The following ABTB3 variants were observed in gnomAD, a reference collection of about 807,000 sequenced individuals.
ABTB3 encodes the protein ankyrin repeat and BTB domain containing 3, also known as ankyrin repeat- and BTB/POZ domain-containing protein 3.
At chr12:107,482,972 CT>C in the ABTB3 span, among the ~76,000 whole-genome samples, 15 of 59,158 alleles carry the variant, frequency 2.5e-4, 1 homozygote, top group African/African-American at 1.0e-3. Flanking sequence ...TTCTTTCTTT[CT>C]TTCTTTCTTT....
At chr12:107,630,334 A>G in the ABTB3 span, among the ~76,000 whole-genome samples, 84 of 152,342 alleles carry the variant, frequency 5.5e-4, 1 homozygote, top group Admixed American at 2.9e-3. Context: ...GTGAGTGGGG[A>G]AACATTCCCT....
the ABTB3 span, among the ~76,000 whole-genome samples, chr12:107,489,028 G>T: frequency 1.3e-5 from 2 of 152,130 alleles, no homozygotes; most frequent in African/African-American, 4.8e-5. Flanking sequence ...GAGTACAAAG[G>T]CATCTCAAGC....
At chr12:107,376,525 AAGC>A in the ABTB3 span, among the ~76,000 whole-genome samples, 6 of 152,300 alleles carry the variant, frequency 3.9e-5, no homozygotes, top group Non-Finnish European at 8.8e-5. Flanking sequence ...TTCAGAAGGA[AAGC>A]AGACCTGCAG....
chr12:107,617,712 C>G, the ABTB3 span: 1 of 449,502 alleles, frequency 2.2e-6, no homozygotes, highest in Non-Finnish European at 3.9e-6. Context: ...GCTCAGGGCA[C>G]GTCATGTCAG....
chr12:107,646,507 A>G, the ABTB3 span, among the ~76,000 whole-genome samples: 1 of 152,148 alleles, frequency 6.6e-6, no homozygotes. Flanking sequence ...CAATCCCAAC[A>G]TTTGCTGACT....
the ABTB3 span, among the ~76,000 whole-genome samples, chr12:107,496,576 G>C: frequency 6.6e-6 from 1 of 152,196 alleles, no homozygotes; most frequent in Non-Finnish European, 1.5e-5. Flanking sequence ...CCAGGAGCCT[G>C]AAGTGACCAA....
At chr12:107,419,528 G>A in the ABTB3 span, among the ~76,000 whole-genome samples, 1 of 152,012 alleles carries the variant, frequency 6.6e-6, no homozygotes, top group African/African-American at 2.4e-5. Flanking sequence ...CCTCATTCAG[G>A]TCTTCAGGGT....
At chr12:107,415,512 T>C in the ABTB3 span, among the ~76,000 whole-genome samples, 1 of 151,832 alleles carries the variant, frequency 6.6e-6, no homozygotes, top group Middle Eastern at 3.4e-3. Flanking sequence ...ATCGAGACCA[T>C]CCTGGCTAAC....
chr12:107,556,748 C>T, the ABTB3 span, among the ~76,000 whole-genome samples: 2 of 152,056 alleles, frequency 1.3e-5, no homozygotes, highest in Non-Finnish European at 1.5e-5. Context: ...TGGTGGTTCA[C>T]GCCTGTAATC....
the ABTB3 span, among the ~76,000 whole-genome samples, chr12:107,389,064 C>T: frequency 3.3e-5 from 5 of 151,978 alleles, no homozygotes; most frequent in South Asian, 1.0e-3. Flanking sequence ...TAGATATGAG[C>T]TGCAGGTGAG....
At chr12:107,450,196 T>A in the ABTB3 span, among the ~76,000 whole-genome samples, 9 of 152,076 alleles carry the variant, frequency 5.9e-5, no homozygotes, top group African/African-American at 9.7e-5. Context: ...CTCCCTTTTT[T>A]AAAAAAATCA....
the ABTB3 span, among the ~76,000 whole-genome samples, chr12:107,447,444 T>C: frequency 2.6e-5 from 4 of 152,248 alleles, no homozygotes; most frequent in South Asian, 8.3e-4. Flanking sequence ...GCCTGGCTGA[T>C]TGACTTTTTA....
the ABTB3 span, chr12:107,651,729 T>C: frequency 1.2e-6 from 2 of 1,614,080 alleles, no homozygotes; most frequent in East Asian, 4.5e-5. Context: ...CACTGTGAGA[T>C]TATCTGTGCG....
the ABTB3 span, among the ~76,000 whole-genome samples, chr12:107,350,571 G>A: frequency 6.6e-6 from 1 of 151,716 alleles, no homozygotes; most frequent in Non-Finnish European, 1.5e-5. Flanking sequence ...TTATTATTCT[G>A]CTTCCCCAGA....
chr12:107,581,970 C>T, the ABTB3 span, among the ~76,000 whole-genome samples: 2 of 152,218 alleles, frequency 1.3e-5, no homozygotes, highest in Non-Finnish European at 2.9e-5. Flanking sequence ...ACTTTCCCGA[C>T]TCCCCCCACT....
chr12:107,599,428 C>T, the ABTB3 span, among the ~76,000 whole-genome samples: 1 of 152,190 alleles, frequency 6.6e-6, no homozygotes, highest in Non-Finnish European at 1.5e-5. Flanking sequence ...ATTTCAACTC[C>T]AGCAGTTCCC....
At chr12:107,534,277 A>C in the ABTB3 span, among the ~76,000 whole-genome samples, 1 of 152,090 alleles carries the variant, frequency 6.6e-6, no homozygotes, top group Non-Finnish European at 1.5e-5. Context: ...ACATACCAAG[A>C]TCTATAGTAT....
chr12:107,602,326 T>A, the ABTB3 span, among the ~76,000 whole-genome samples: 1 of 152,218 alleles, frequency 6.6e-6, no homozygotes, highest in African/African-American at 2.4e-5. Flanking sequence ...GATATCTAAT[T>A]TGAGACCTTA....
chr12:107,495,448 G>A, the ABTB3 span, among the ~76,000 whole-genome samples: 2 of 152,192 alleles, frequency 1.3e-5, no homozygotes, highest in Non-Finnish European at 2.9e-5. Flanking sequence ...TGCAGAGGGG[G>A]CTCCTAGCTG....
Sources: gnomAD v4.1 joint callset for allele counts (sites outside exome capture counted in the v4.1 genomes callset) on GRCh38, gnomAD v4.1.1 for gene constraint, MANE v1.5 for transcripts, NCBI Gene and HGNC (gene_info 2026-07-23, HGNC 2026-07-21) for gene names.